Variants in METTL15 observed in about 807,000 individuals in gnomAD.
METTL15 encodes methyltransferase 15, mitochondrial 12S rRNA N4-cytidine.
Under a neutral mutation model 38.3 loss-of-function variants are expected in METTL15, and 34 were observed. The ratio of observed to expected loss-of-function variants is 0.89; its 90% CI spans 0.68 to 1.18. The LOEUF is 1.18. METTL15 is among the 50% of genes most tolerant of loss of function. METTL15 has a pLI of 0.00. For synonymous variants in METTL15, 162 were observed against 170.9 expected, an observed-to-expected ratio of 0.95 and a Z score of 0.41; for missense variants, 438 against 498.4, an observed-to-expected ratio of 0.88 and a Z score of 1.15.
At position 28,447,947 on chromosome 11, in the gene METTL15, G is replaced by A. The variant is rs756381560; in HGVS notation, c.*424+23583G>A. On this transcript the variant is annotated intron_variant and NMD_transcript_variant, in intron 6 of 7. Coordinates refer to the METTL15 transcript ENST00000532947. ...TCCTCACATAACTCATATCCTTTAA[G>A]TATAGTGAATCTTGGAATTTGTGTC... Among the ~76,000 whole-genome samples the A allele has an allele frequency of 2.6e-5, 4 of 152,104 alleles. No homozygotes were observed. In the East Asian group the frequency reaches 5.8e-4, roughly 22 times the overall value.
intron 3 of METTL15, 129 bp from the exon 4 acceptor site, chr11:28,210,933 A>G (rs1162981308): frequency 5.1e-6 from 5 of 986,042 alleles, no homozygotes; most frequent in East Asian, 2.7e-5. Flanking sequence ...TATAGGCACA[A>G]CGATTGTAAT....
At chr11:28,241,215 T>A (rs1417127066) in intron 4 of METTL15, among the ~76,000 whole-genome samples, 2 of 152,046 alleles carry the variant, frequency 1.3e-5, no homozygotes, top group Admixed American at 6.5e-5. Context: ...TTCTAGTATG[T>A]TAACAAAGTG....
At chr11:28,235,534 T>A (rs1216025240) in intron 4 of METTL15, among the ~76,000 whole-genome samples, 2 of 152,190 alleles carry the variant, frequency 1.3e-5, no homozygotes, top group African/African-American at 4.8e-5. Context: ...CCCTTGTAAG[T>A]TGGATTCCTA....
At chr11:28,272,173 A>G (rs1265545447) in intron 4 of METTL15, among the ~76,000 whole-genome samples, 3 of 152,170 alleles carry the variant, frequency 2.0e-5, no homozygotes, top group African/African-American at 4.8e-5. Flanking sequence ...TTCCTCAAGG[A>G]TCTAGAACTA....
intron 4 of METTL15, among the ~76,000 whole-genome samples, chr11:28,225,886 G>A (rs1853457784): frequency 6.6e-6 from 1 of 151,820 alleles, no homozygotes; most frequent in Admixed American, 6.6e-5. Context: ...AGTGTTTTCA[G>A]CTATTTTCAC....
At chr11:28,352,193 GA>G (rs1161395337) in intron 4 of METTL15, 20 of 152,310 alleles carry the variant, frequency 1.3e-4, no homozygotes, top group African/African-American at 4.8e-4. Context: ...CTGCCGGGAG[GA>G]GGGAATGTTT....
At chr11:28,246,366 A>G (rs1445462779) in intron 4 of METTL15, among the ~76,000 whole-genome samples, 1 of 152,146 alleles carries the variant, frequency 6.6e-6, no homozygotes, top group Non-Finnish European at 1.5e-5. Flanking sequence ...TGACTGCTCA[A>G]AATTGTTAAG....
At chr11:28,157,898 G>A (rs535855554) in intron 3 of METTL15, among the ~76,000 whole-genome samples, 1 of 152,208 alleles carries the variant, frequency 6.6e-6, no homozygotes, top group South Asian at 2.1e-4. Flanking sequence ...GCACAATACC[G>A]AGGCACCACC....
At chr11:28,484,522 T>C (rs753964910) in intron 6 of METTL15, among the ~76,000 whole-genome samples, 1 of 152,166 alleles carries the variant, frequency 6.6e-6, no homozygotes, top group Non-Finnish European at 1.5e-5. Context: ...TTTGTTGCCT[T>C]GCCCCTCCTT....
At chr11:28,501,135 A>G (rs1050389503) in intron 6 of METTL15, among the ~76,000 whole-genome samples, 41 of 152,212 alleles carry the variant, frequency 2.7e-4, no homozygotes, top group African/African-American at 9.9e-4. Flanking sequence ...CTAAATAGAC[A>G]GCAAGAGCAG....
chr11:28,220,605 T>C (rs1853158666), intron 4 of METTL15, among the ~76,000 whole-genome samples: 1 of 152,194 alleles, frequency 6.6e-6, no homozygotes, highest in Non-Finnish European at 1.5e-5. Context: ...CCCGTCATTA[T>C]GATGTTAGTT....
At chr11:28,457,967 A>G (rs1477954169) in intron 6 of METTL15, among the ~76,000 whole-genome samples, 2 of 152,196 alleles carry the variant, frequency 1.3e-5, no homozygotes, top group Admixed American at 6.5e-5. Context: ...TTGGGAATAT[A>G]GGAATGTTGT....
At chr11:28,255,075 A>G (rs1854917389) in intron 4 of METTL15, among the ~76,000 whole-genome samples, 1 of 152,078 alleles carries the variant, frequency 6.6e-6, no homozygotes, top group Non-Finnish European at 1.5e-5. Context: ...CATTTTAACA[A>G]TATTCTTCCA....
At chr11:28,135,929 T>G (rs1223891566) in intron 3 of METTL15, among the ~76,000 whole-genome samples, 1 of 152,236 alleles carries the variant, frequency 6.6e-6, no homozygotes, top group Non-Finnish European at 1.5e-5. Context: ...TTCTGTTAAC[T>G]CTTGTTCTAC....
chr11:28,377,455 T>C (rs1850330016), intron 5 of METTL15, among the ~76,000 whole-genome samples: 1 of 152,210 alleles, frequency 6.6e-6, no homozygotes, highest in South Asian at 2.1e-4. Context: ...TCGCATCGGC[T>C]CCTGAGGCTT....
chr11:28,150,368 A>AT (rs1187420923), intron 3 of METTL15, among the ~76,000 whole-genome samples: 1 of 151,662 alleles, frequency 6.6e-6, no homozygotes, highest in Non-Finnish European at 1.5e-5. Flanking sequence ...ATTGAGGTGG[A>AT]TTTTTGTGAG....
At chr11:28,421,501 A>T (rs897873074) in intron 5 of METTL15, among the ~76,000 whole-genome samples, 1 of 152,092 alleles carries the variant, frequency 6.6e-6, no homozygotes, top group African/African-American at 2.4e-5. Flanking sequence ...CTTTGAAAAG[A>T]TCATTCATCA....
chr11:28,288,013 A>G (rs201002778), intron 4 of METTL15, among the ~76,000 whole-genome samples: 2 of 152,084 alleles, frequency 1.3e-5, no homozygotes, highest in African/African-American at 2.4e-5. Flanking sequence ...TATGTGATTA[A>G]TAAACTTTTG....
At position 28,419,562 on chromosome 11, in the gene METTL15, CTG is replaced by C. The variant is rs1285470110; in HGVS notation, c.*359-4734_*359-4733del. Among the ~76,000 whole-genome samples, 5 of 152,284 alleles carry C rather than the reference CTG, an allele frequency of 3.3e-5. No homozygotes were observed. In the East Asian group the frequency reaches 9.7e-4, roughly 29 times the overall value. ...AAGGACAGATACAAACAAGTCCAGA[CTG>C]TGAAGACTACCATAAATACACAACT... On this transcript the variant is annotated intron_variant and NMD_transcript_variant, in intron 5 of 7. Coordinates refer to the METTL15 transcript ENST00000532947.
Sources: allele counts gnomAD v4.1 joint callset (sites outside exome capture counted in the v4.1 genomes callset), GRCh38; gene constraint gnomAD v4.1.1; transcripts MANE v1.5; gene names NCBI Gene and HGNC (gene_info 2026-07-23, HGNC 2026-07-21).